Variants in ATXN7 observed in about 807,000 individuals in gnomAD.
ATXN7 encodes the protein ataxin 7, also known as ataxin-7.
In ATXN7, 12 loss-of-function variants were observed where a neutral mutation model predicts 70.5. The observed-to-expected ratio is 0.17, with a 90% CI of 0.11 to 0.28. The LOEUF (loss-of-function observed/expected upper bound fraction) is 0.28, where lower values mean the gene tolerates loss of function less well. Among genes scored for constraint, ATXN7 ranks in the 10% least tolerant of loss-of-function variants. ATXN7 has a pLI of 1.00. For missense variants in ATXN7, 1,256 were observed against 1,131.7 expected, an observed-to-expected ratio of 1.11 and a Z score of -1.58; for synonymous variants, 498 against 448.7, an observed-to-expected ratio of 1.11 and a Z score of -1.39.
At chr3:63,941,504 C>A (rs1164680952) in intron 4 of ATXN7, among the ~76,000 whole-genome samples, 1 of 152,162 alleles carries the variant, frequency 6.6e-6, no homozygotes, top group Non-Finnish European at 1.5e-5. Context: ...ATCCTGAAAC[C>A]ATTCTCTCCT....
intron 5 of ATXN7, among the ~76,000 whole-genome samples, chr3:63,957,867 G>A (rs2075064142): frequency 6.6e-6 from 1 of 152,208 alleles, no homozygotes; most frequent in Non-Finnish European, 1.5e-5. Flanking sequence ...TATCTACTGA[G>A]GCCAGCCTTA....
chr3:63,931,326 T>C (rs1023875310), intron 4 of ATXN7, among the ~76,000 whole-genome samples: 2 of 151,948 alleles, frequency 1.3e-5, no homozygotes, highest in Non-Finnish European at 2.9e-5. Context: ...CAAAAAAAAG[T>C]AGAGGAGAAA....
intron 1 of ATXN7, among the ~76,000 whole-genome samples, chr3:63,872,479 A>G (rs1702627745): frequency 6.6e-6 from 1 of 152,200 alleles, no homozygotes; most frequent in Admixed American, 6.6e-5. Flanking sequence ...AGCAGCCTAG[A>G]TCAAATTTCC....
chr3:63,997,430 A>G (rs1325119236), intron 12 of ATXN7, among the ~76,000 whole-genome samples: 2 of 152,194 alleles, frequency 1.3e-5, no homozygotes, highest in African/African-American at 4.8e-5. Context: ...AAGTCTGCAT[A>G]TGAACCCATC....
At chr3:63,964,544 A>T (rs112186453) in intron 5 of ATXN7, among the ~76,000 whole-genome samples, 212 of 152,252 alleles carry the variant, frequency 1.4e-3, no homozygotes, top group Non-Finnish European at 2.8e-3. Context: ...GGCCATGAAG[A>T]TATATTTTAT....
chr3:63,863,834 G>A (rs1702311022), upstream of ATXN7: 4 of 1,221,338 alleles, frequency 3.3e-6, no homozygotes, highest in Admixed American at 8.9e-5. Context: ...GCAAGCTGAG[G>A]CGGCGGTTGG....
intron 4 of ATXN7, among the ~76,000 whole-genome samples, chr3:63,915,459 G>A (rs1309089707): frequency 6.6e-6 from 1 of 152,172 alleles, no homozygotes; most frequent in Non-Finnish European, 1.5e-5. Flanking sequence ...GGACCTTTAT[G>A]TTCTCCTAAC....
chr3:63,902,927 A>G (rs1233040467), intron 2 of ATXN7, among the ~76,000 whole-genome samples: 1 of 152,222 alleles, frequency 6.6e-6, no homozygotes, highest in Non-Finnish European at 1.5e-5. Context: ...AAATCTAAAC[A>G]TTATATAAAT....
At chr3:63,912,004 C>T (rs1704034374) in intron 2 of ATXN7, 1 of 152,326 alleles carries the variant, frequency 6.6e-6, no homozygotes, top group Non-Finnish European at 1.5e-5. Context: ...AGTCCGGGGG[C>T]TTGACGTGCA....
At chr3:63,984,897 G>A (rs981708189) in intron 8 of ATXN7, among the ~76,000 whole-genome samples, 1 of 152,112 alleles carries the variant, frequency 6.6e-6, no homozygotes, top group Non-Finnish European at 1.5e-5. Flanking sequence ...TATGTGACTG[G>A]GTTATTTATC....
chr3:63,954,089 T>C (rs1357083182), intron 5 of ATXN7, among the ~76,000 whole-genome samples: 2 of 152,204 alleles, frequency 1.3e-5, no homozygotes, highest in African/African-American at 4.8e-5. Flanking sequence ...AAAGATTCTT[T>C]GAGTTCCTGC....
chr3:63,910,348 T>C (rs1308525997), intron 2 of ATXN7, among the ~76,000 whole-genome samples: 1 of 152,250 alleles, frequency 6.6e-6, no homozygotes, highest in Non-Finnish European at 1.5e-5. Context: ...GTTATCTATA[T>C]GGCTTGGTGG....
At chr3:63,940,935 C>G (rs947042182) in intron 4 of ATXN7, among the ~76,000 whole-genome samples, 1 of 152,126 alleles carries the variant, frequency 6.6e-6, no homozygotes, top group African/African-American at 2.4e-5. Context: ...TCAGGATTTG[C>G]TGACAGTATT....
At chr3:63,884,973 T>G (rs1703043457) in intron 1 of ATXN7, among the ~76,000 whole-genome samples, 1 of 152,166 alleles carries the variant, frequency 6.6e-6, no homozygotes, top group South Asian at 2.1e-4. Flanking sequence ...GCCCATCTTT[T>G]AAGTCTGAGC....
In ATXN7 at chr3:63,988,406, G is replaced by C; in HGVS notation, c.1361+82G>C. 3.3e-6 allele frequency: 5 copies of C among 1,535,814 alleles called. No homozygotes were observed. In the Admixed American group the frequency reaches 9.5e-5, roughly 29 times the overall value. Reference sequence around the variant, plus strand: ...TGTAAAATTTCAGTATGGTCATGCTGTTGAGAAACATATCTCAGGCTCACT... The same window carrying C: ...TGTAAAATTTCAGTATGGTCATGCTCTTGAGAAACATATCTCAGGCTCACT... On this transcript the variant is annotated intron_variant, in intron 9 of 12. Coordinates refer to ENST00000674280, the MANE Select transcript of ATXN7 (RefSeq NM_001377405.1).
rs1480391835 is a variant in ATXN7 at position 64,002,198 on chromosome 3, T to G, written c.*2731T>G. The G allele has an allele frequency of 1.3e-5, 2 of 152,606 alleles. No homozygotes were observed. Among genetic ancestry groups the G allele is most frequent in the Non-Finnish European group, 2.9e-5 (2 of 68,034 alleles). 9.5% of individuals were successfully genotyped at this position (152,606 alleles called of 1,614,324 possible). On this transcript the variant is annotated 3_prime_UTR_variant, in exon 13 of 13. Coordinates refer to ENST00000674280, the MANE Select transcript of ATXN7 (RefSeq NM_001377405.1). Reference sequence around the variant, plus strand: ...AGGTCTTTTTTTCTGATATCCTGTTTTGGTACAATTGAGATCATCTAGTAT... The same window carrying G: ...AGGTCTTTTTTTCTGATATCCTGTTGTGGTACAATTGAGATCATCTAGTAT...
chr3:63,906,231 G>A (rs1343581171), intron 2 of ATXN7, among the ~76,000 whole-genome samples: 1 of 152,198 alleles, frequency 6.6e-6, no homozygotes, highest in African/African-American at 2.4e-5. Flanking sequence ...GTAGGCTCCT[G>A]GATCACGGTG....
intron 1 of ATXN7, among the ~76,000 whole-genome samples, chr3:63,865,584 T>C (rs1702389777): frequency 6.6e-6 from 1 of 151,956 alleles, no homozygotes; most frequent in Non-Finnish European, 1.5e-5. Context: ...TTGGTGGGGA[T>C]AGTTATTGTT....
intron 1 of ATXN7, among the ~76,000 whole-genome samples, chr3:63,866,414 C>G (rs943917167): frequency 6.6e-6 from 1 of 152,052 alleles, no homozygotes; most frequent in Non-Finnish European, 1.5e-5. Context: ...TGATGCCTGG[C>G]TAAGTTTTTT....
Sources: gnomAD v4.1 joint callset for allele counts (sites outside exome capture counted in the v4.1 genomes callset) on GRCh38, gnomAD v4.1.1 for gene constraint, MANE v1.5 for transcripts, NCBI Gene and HGNC (gene_info 2026-07-23, HGNC 2026-07-21) for gene names.